The following CATSPERB variants were observed in gnomAD, a reference collection of about 807,000 sequenced individuals.
CATSPERB encodes the protein catsper channel auxiliary subunit beta, also known as cation channel sperm-associated auxiliary subunit beta.
Under a neutral mutation model 128.3 loss-of-function variants are expected in CATSPERB, and 93 were observed. The observed-to-expected ratio is 0.72, with a 90% CI of 0.61 to 0.86. The LOEUF is 0.86. CATSPERB is among the 40% of genes least tolerant of loss of function. The probability of loss-of-function intolerance (pLI) is 0.00; values close to 1 mark genes in which losing one functional copy is unlikely to be tolerated. For synonymous variants in CATSPERB, 381 were observed against 448.8 expected (o/e 0.85, Z 1.91); for missense variants, 1,153 against 1,329.5 (o/e 0.87, Z 2.06).
Position 91,622,475 on chromosome 14 carries a change from C to T in CATSPERB, c.1931-538G>A, listed in dbSNP as rs532583358. Among the ~76,000 whole-genome samples the T allele has an allele frequency of 9.9e-5, 15 of 152,072 alleles. No homozygotes were observed. In the South Asian group the frequency reaches 1.9e-3, roughly 19 times the overall value. On this transcript the variant is annotated intron_variant, in intron 18 of 26. Coordinates refer to ENST00000256343, the MANE Select transcript of CATSPERB (RefSeq NM_024764.4). ...ATGGAAAGGGAAAAAGATCCTCTCA[C>T]GGAGACGAAGAAGAAATGATTGGAG...
At position 91,583,193 on chromosome 14, in the gene CATSPERB, C is replaced by T. The variant is rs1393815159; in HGVS notation, c.3133-2086G>A. ...CAGCACTTTGGGAGGCCAAGGCGGG[C>T]AGATCACGAGGTCAGGAGATTGAGA... On this transcript the variant is annotated intron_variant, in intron 26 of 26. Coordinates refer to ENST00000256343, the MANE Select transcript of CATSPERB (RefSeq NM_024764.4). Among the ~76,000 whole-genome samples, 3 of 152,150 alleles carry T rather than the reference C, an allele frequency of 2.0e-5. No individual in the cohort carries two copies. The East Asian group carries it at 5.8e-4, about 29-fold the overall frequency.
At chr14:91,645,982 C>T (rs1288961460) in intron 15 of CATSPERB, among the ~76,000 whole-genome samples, 3 of 148,944 alleles carry the variant, frequency 2.0e-5, no homozygotes, top group African/African-American at 2.5e-5. Context: ...CAGGTGCGTC[C>T]GTCACCCCTT....
rs116527595 is a variant in CATSPERB at position 91,722,807 on chromosome 14, G to A, written c.309+242C>T. Among the ~76,000 whole-genome samples the A allele has an allele frequency of 5.2e-3, 789 of 152,156 alleles. 7 individuals are homozygous for A. Among genetic ancestry groups the A allele is most frequent in the African/African-American group, 0.018 (737 of 41,510 alleles). ...AGATGGCAACTTACATCTACAGGAA[G>A]GAATGAAGGACAGTATAAATAATAA... On this transcript the variant is annotated intron_variant, in intron 4 of 26. Transcript: ENST00000256343.
At chr14:91,644,010 T>C (rs1894544865) in intron 15 of CATSPERB, among the ~76,000 whole-genome samples, 1 of 139,340 alleles carries the variant, frequency 7.2e-6, no homozygotes, top group Admixed American at 7.0e-5. Flanking sequence ...AAAGTCTGTT[T>C]TATCAGAGAC....
intron 4 of CATSPERB, among the ~76,000 whole-genome samples, chr14:91,721,779 G>A (rs1176035287): frequency 2.0e-5 from 3 of 151,646 alleles, no homozygotes; most frequent in African/African-American, 7.3e-5. Flanking sequence ...GAACCCGGGA[G>A]GCAGAGCTTG....
chr14:91,662,529 G>A (rs12882661), intron 14 of CATSPERB, among the ~76,000 whole-genome samples: 42,016 of 152,114 alleles, frequency 0.28, 6,927 homozygotes, highest in Admixed American at 0.48. Flanking sequence ...ATTTTAAAAT[G>A]TCTCCGGATA....
At chr14:91,719,600 A>T in intron 4 of CATSPERB, 122 bp from the exon 5 acceptor site, 1 of 628,080 alleles carries the variant, frequency 1.6e-6, no homozygotes, top group Non-Finnish European at 2.6e-6. Flanking sequence ...CCTTTTACCT[A>T]GAAATTTCAC....
At chr14:91,693,268 G>A in intron 8 of CATSPERB, 24 bp from the exon 9 acceptor site, 5 of 1,580,230 alleles carry the variant, frequency 3.2e-6, no homozygotes, top group Non-Finnish European at 4.3e-6. Flanking sequence ...TCATACCATG[G>A]ATTAAAAAGT....
chr14:91,725,189 A>G (rs1896100582), intron 2 of CATSPERB, 21 bp from the exon 3 acceptor site: 1 of 1,201,262 alleles, frequency 8.3e-7, no homozygotes. Context: ...AAAAAAATAC[A>G]TATATTAGAT....
intron 2 of CATSPERB, 86 bp downstream of exon 2, chr14:91,729,315 A>G: frequency 3.7e-6 from 2 of 541,156 alleles, no homozygotes; most frequent in Non-Finnish European, 6.3e-6. Context: ...AAATACTAAA[A>G]GAAAAATTTT....
intron 11 of CATSPERB, among the ~76,000 whole-genome samples, chr14:91,675,487 T>A (rs1030385236): frequency 6.6e-6 from 1 of 152,248 alleles, no homozygotes; most frequent in African/African-American, 2.4e-5. Context: ...CTGCTCCATT[T>A]GGATGTAGCT....
intron 2 of CATSPERB, among the ~76,000 whole-genome samples, chr14:91,725,924 T>C (rs552055553): frequency 6.6e-6 from 1 of 152,072 alleles, no homozygotes; most frequent in Non-Finnish European, 1.5e-5. Flanking sequence ...CAGAGCAGAC[T>C]AGTAGGTAAG....
At chr14:91,599,345 G>A (rs569557640) in intron 22 of CATSPERB, among the ~76,000 whole-genome samples, 4 of 152,024 alleles carry the variant, frequency 2.6e-5, no homozygotes, top group South Asian at 2.1e-4. Context: ...GGATCACGAA[G>A]TCAGGAGATT....
intron 3 of CATSPERB, among the ~76,000 whole-genome samples, chr14:91,723,504 A>G (rs144766710): frequency 6.6e-6 from 1 of 152,316 alleles, no homozygotes; most frequent in African/African-American, 2.4e-5. Flanking sequence ...TAAAAAAGGA[A>G]GCAACTATAT....
In CATSPERB at chr14:91,690,764, T is replaced by C. The variant is rs187636167; in HGVS notation, c.864+759A>G. ...ATGTGGGTATATGTGCACATGCACA[T>C]GTGCACACAGACTGGAGCCTGCACA... On this transcript the variant is annotated intron_variant, in intron 10 of 26. Transcript: ENST00000256343. Among the ~76,000 whole-genome samples, 602 of 152,368 alleles carry C rather than the reference T, an allele frequency of 4.0e-3. 5 individuals are homozygous for C. The highest frequency in any genetic ancestry group is 6.4e-3 in the Non-Finnish European group (437 of 68,034).
chr14:91,605,318 A>G lies in CATSPERB; in HGVS notation c.2709+2976T>C, dbSNP rs531333290. On this transcript the variant is annotated intron_variant, in intron 22 of 26. Coordinates refer to ENST00000256343, the MANE Select transcript of CATSPERB (RefSeq NM_024764.4). ...TTGTGAACAAGCTGGAGCCACACTC[A>G]TGTTATTATTGGGGAAGAGGAGGAA... The G allele has an allele frequency of 2.6e-4, 202 of 783,776 alleles. 1 individual carries two copies. In the Middle Eastern group the frequency reaches 4.1e-3, roughly 16 times the overall value. The allele number at this position is 783,776 out of a possible 1,614,324, so 48.6% of individuals were successfully genotyped here. A position where few individuals can be genotyped will look rare whatever the true frequency, so the allele number is the denominator to read the frequency against.
chr14:91,721,822 C>A (rs1483490624), intron 4 of CATSPERB, among the ~76,000 whole-genome samples: 1 of 150,876 alleles, frequency 6.6e-6, no homozygotes, highest in Admixed American at 6.6e-5. Flanking sequence ...TGCACTCCAG[C>A]CTGGGTGACA....
At position 91,644,628 on chromosome 14, in the gene CATSPERB, C is replaced by CT. The variant is rs1261470024; in HGVS notation, c.1433-5379dup. 4.5e-4 allele frequency among the ~76,000 whole-genome samples: 37 copies of CT among 82,702 alleles called. 1 individual carries two copies. Among genetic ancestry groups the CT allele is most frequent in the Non-Finnish European group, 8.4e-4 (35 of 41,856 alleles). 54.3% of individuals were successfully genotyped at this position (82,702 alleles called of 152,430 possible). On this transcript the variant is annotated intron_variant, in intron 15 of 26. Coordinates refer to ENST00000256343, the MANE Select transcript of CATSPERB (RefSeq NM_024764.4). ...TTTGAGGGTAACCCGACCTTTCTCT[C>CT]TGGCTGCCCTTAACATTTTTTCCTT... is the stretch of plus-strand genomic sequence containing the variant.
Position 91,669,971 on chromosome 14 carries a change from A to C in CATSPERB, c.1130T>G (p.Val377Gly), listed in dbSNP as rs187861692. 3.7e-6 allele frequency: 6 copies of C among 1,609,814 alleles called. No individual in the cohort carries two copies. The highest frequency in any genetic ancestry group is 8.5e-7 in the Non-Finnish European group (1 of 1,178,634). Reference protein sequence around the residue: ...GTGVYLFYNKVRKTAIASVST... With the variant: ...GTGVYLFYNKGRKTAIASVST... Reference sequence around the variant, plus strand: ...CACAGAGGCAATGGCAGTTTTCCTGACCTAGGTAAACAAAGAATGAGCAAG... The same window carrying C: ...CACAGAGGCAATGGCAGTTTTCCTGCCCTAGGTAAACAAAGAATGAGCAAG... The change falls in exon 14 of 27, where the codon GTC becomes GGC. Residue 377 changes from valine (V) to glycine (G), a missense_variant and splice_region_variant. By Grantham distance (109) the Val-to-Gly change is moderately radical. Transcript: ENST00000256343.
Sources: allele counts gnomAD v4.1 joint callset (sites outside exome capture counted in the v4.1 genomes callset), GRCh38; gene constraint gnomAD v4.1.1; transcripts MANE v1.5; gene names NCBI Gene and HGNC (gene_info 2026-07-23, HGNC 2026-07-21).